ARHGEF18: variants seen among roughly 807,000 people sequenced by gnomAD.
The protein encoded by ARHGEF18 is Rho/Rac guanine nucleotide exchange factor 18.
In ARHGEF18, 93 loss-of-function variants were observed where a neutral mutation model predicts 155.7. The ratio of observed to expected loss-of-function variants is 0.60; its 90% CI spans 0.50 to 0.71. ARHGEF18 has a LOEUF of 0.71. Among genes scored for constraint, ARHGEF18 ranks in the 30% least tolerant of loss-of-function variants. ARHGEF18 has a pLI of 0.00. For synonymous variants in ARHGEF18, 742 were observed against 753.1 expected, an observed-to-expected ratio of 0.99 and a Z score of 0.24; for missense variants, 1,593 against 1,816.1, an observed-to-expected ratio of 0.88 and a Z score of 2.23.
chr19:7,473,149 G>C (rs927880501), downstream of ARHGEF18: 28 of 456,176 alleles, frequency 6.1e-5, no homozygotes, highest in Non-Finnish European at 1.2e-4. Context: ...GCTTGGCCAT[G>C]AGTATGAAAT....
At chr19:7,363,249 T>C (rs146584440) in intron 2 of ARHGEF18, among the ~76,000 whole-genome samples, 4 of 150,310 alleles carry the variant, frequency 2.7e-5, no homozygotes, top group South Asian at 2.1e-4. Context: ...CGTGGATGAA[T>C]AGAAGGGTGG....
intron 10 of ARHGEF18, among the ~76,000 whole-genome samples, chr19:7,426,728 A>G (rs1376321857): frequency 1.3e-5 from 2 of 152,126 alleles, no homozygotes; most frequent in African/African-American, 4.8e-5. Context: ...TTCCACCAGG[A>G]TAAAGGCCTT....
chr19:7,378,990 GC>G, intron 6 of ARHGEF18, 131 bp from the exon 7 acceptor site: 1 of 735,054 alleles, frequency 1.4e-6, no homozygotes, highest in Non-Finnish European at 1.8e-6. Flanking sequence ...ACTGTGCCCG[GC>G]TGACTGTGGC....
At chr19:7,445,324 T>C (rs530853789) in intron 14 of ARHGEF18, among the ~76,000 whole-genome samples, 47 of 152,246 alleles carry the variant, frequency 3.1e-4, no homozygotes, top group Admixed American at 3.3e-4. Context: ...GGTGTATAGC[T>C]GTAGTCCCAG....
At position 7,440,835 on chromosome 19, in the gene ARHGEF18, A is replaced by G. The variant is rs879519515; in HGVS notation, c.1106+353A>G. On this transcript the variant is annotated intron_variant, in intron 11 of 28. Transcript: ENST00000668164. This position sits in a 1 kb window ranked among gnomAD's most constrained non-coding sequence, Gnocchi z 5.4. The stretch of plus-strand genomic sequence containing the variant: ...CATTATCTGTGCCTTACCTCGTTTT[A>G]TAGGACTTCAAAGTGGTTCCCTTGA... Among the ~76,000 whole-genome samples, 2 of 152,106 alleles carry G rather than the reference A, an allele frequency of 1.3e-5. No individual in the cohort carries two copies. Among genetic ancestry groups the G allele is most frequent in the Non-Finnish European group, 2.9e-5 (2 of 68,010 alleles).
chr19:7,458,391 T>G, intron 18 of ARHGEF18, 121 bp from the exon 19 acceptor site: 1 of 870,528 alleles, frequency 1.1e-6, no homozygotes, highest in Non-Finnish European at 1.7e-6. Flanking sequence ...TTTGAATTGT[T>G]TGAAAAGAAA....
At chr19:7,375,436 AAAAGAAAAG>A (rs1196579465) in intron 3 of ARHGEF18, among the ~76,000 whole-genome samples, 14 of 134,942 alleles carry the variant, frequency 1.0e-4, no homozygotes, top group South Asian at 2.3e-4. Flanking sequence ...AGGAAGGAAG[AAAAGAAAAG>A]AAAGAAAAGA....
In ARHGEF18 at chr19:7,395,335, C is replaced by T. The variant is rs1428208229; in HGVS notation, c.967+12132C>T. 3.0e-6 allele frequency: 3 copies of T among 983,866 alleles called. No individual in the cohort carries two copies. Among genetic ancestry groups the T allele is most frequent in the Non-Finnish European group, 3.6e-6 (3 of 828,608 alleles). The allele number at this position is 983,866 out of a possible 1,614,324, so 60.9% of individuals were successfully genotyped here. On this transcript the variant is annotated intron_variant, in intron 10 of 28. Coordinates refer to ENST00000668164, the MANE Select transcript of ARHGEF18 (RefSeq NM_001367823.1). This position sits in a 1 kb window ranked among gnomAD's most constrained non-coding sequence, Gnocchi z 5.0. ...TCAGGGGGTGGCCTGGGGCGCGGGACCCCCGGGGCTGCCTCGGGCCTCCCG... is the reference window on the plus strand; with the variant it reads ...TCAGGGGGTGGCCTGGGGCGCGGGATCCCCGGGGCTGCCTCGGGCCTCCCG...
intron 23 of ARHGEF18, among the ~76,000 whole-genome samples, chr19:7,466,010 G>A (rs1393391159): frequency 6.6e-6 from 1 of 151,898 alleles, no homozygotes; most frequent in African/African-American, 2.4e-5. Context: ...CTTGAACCTA[G>A]GAGGTGGAGG....
In ARHGEF18 at chr19:7,446,470, C is replaced by T. The variant is rs556465079; in HGVS notation, c.1612-573C>T. 3.9e-5 allele frequency among the ~76,000 whole-genome samples: 6 copies of T among 152,026 alleles called. No individual in the cohort carries two copies. The South Asian group carries it at 6.2e-4, about 16-fold the overall frequency. ...AAAATATACTTTGGCTGGCCAGGCG[C>T]GGTGGCTCATGCCTATAATCCCAGC... On this transcript the variant is annotated intron_variant, in intron 14 of 28. Coordinates refer to ENST00000668164, the MANE Select transcript of ARHGEF18 (RefSeq NM_001367823.1).
intron 10 of ARHGEF18, among the ~76,000 whole-genome samples, chr19:7,439,118 T>C (rs1359462427): frequency 6.7e-6 from 1 of 149,936 alleles, no homozygotes; most frequent in African/African-American, 2.5e-5. Context: ...CTCCTGACCT[T>C]GTGATCAACC....
At position 7,466,946 on chromosome 19, in the gene ARHGEF18, C is replaced by A. The variant is rs764708460; in HGVS notation, c.2933C>A (p.Pro978His). The change falls in exon 24 of 29, where the codon CCC becomes CAC. Residue 978 changes from proline to histidine, a missense_variant. Pro to His is a moderately conservative substitution (Grantham distance 77, BLOSUM62 -2). Coordinates refer to ENST00000668164, the MANE Select transcript of ARHGEF18 (RefSeq NM_001367823.1). ...GAGGCGCCAGGCACGGAATCCGATC[C>A]CCGTCTGCCCACCGTCCTGGAGTCG... is the stretch of plus-strand genomic sequence containing the variant. Reference protein sequence around the residue: ...VVEAPGTESDPRLPTVLESEL... With the variant: ...VVEAPGTESDHRLPTVLESEL... The A allele has an allele frequency of 9.9e-6, 16 of 1,613,408 alleles. No homozygotes were observed. Among genetic ancestry groups the A allele is most frequent in the Non-Finnish European group, 1.1e-5 (13 of 1,180,008 alleles).
Position 7,395,048 on chromosome 19 carries a change from A to T in ARHGEF18, c.967+11845A>T. 1 of 985,156 alleles carries T rather than the reference A, an allele frequency of 1.0e-6. No homozygotes were observed. Among genetic ancestry groups the T allele is most frequent in the Non-Finnish European group, 1.2e-6 (1 of 829,774 alleles). 61.0% of individuals were successfully genotyped at this position (985,156 alleles called of 1,614,324 possible). A position where few individuals can be genotyped will look rare whatever the true frequency, so the allele number is the denominator to read the frequency against. On this transcript the variant is annotated intron_variant, in intron 10 of 28. Coordinates refer to ENST00000668164, the MANE Select transcript of ARHGEF18 (RefSeq NM_001367823.1). This position sits in a 1 kb window ranked among gnomAD's most constrained non-coding sequence, Gnocchi z 5.0. ...CCGGGAGCGCCCCGCCCTCGAGGGC[A>T]CGCCTCCTTCCGGGTCACGCCCTCT...
At position 7,376,743 on chromosome 19, in the gene ARHGEF18, C is replaced by T; in HGVS notation, c.527C>T (p.Thr176Ile). 1.6e-6 allele frequency: 2 copies of T among 1,234,444 alleles called. No individual in the cohort carries two copies. The highest frequency in any genetic ancestry group is 2.0e-6 in the Non-Finnish European group (2 of 988,192). The allele number at this position is 1,234,444 out of a possible 1,614,324, so 76.5% of individuals were successfully genotyped here. A position where few individuals can be genotyped will look rare whatever the true frequency, so the allele number is the denominator to read the frequency against. ...ATCTCTCCGGGTTTGGAAGTGCCCA[C>T]TCCACCTGTTCAAGGTAGCCAGCCT... is the stretch of plus-strand genomic sequence containing the variant. Reference protein sequence around the residue: ...PEISPGLEVPTPPVQGLEPPV... With the variant: ...PEISPGLEVPIPPVQGLEPPV... The change falls in exon 5 of 29, where the codon ACT becomes ATT. Residue 176 changes from threonine to isoleucine, a missense_variant. Physicochemically the swap from Thr to Ile is moderately conservative, Grantham distance 89 (BLOSUM62 -1). Transcript: ENST00000668164.
At chr19:7,465,493 T>A (rs958124178) in intron 23 of ARHGEF18, among the ~76,000 whole-genome samples, 2 of 150,248 alleles carry the variant, frequency 1.3e-5, no homozygotes, top group African/African-American at 4.9e-5. Context: ...ACACAGCCTC[T>A]AACTCCTAGG....
intron 1 of ARHGEF18, among the ~76,000 whole-genome samples, chr19:7,352,627 A>G (rs1969185516): frequency 8.0e-6 from 1 of 125,340 alleles, no homozygotes; most frequent in Non-Finnish European, 1.6e-5. Context: ...TCCACCTCCC[A>G]GGTTCACGCC....
At chr19:7,404,900 G>A (rs1009120698) in intron 10 of ARHGEF18, among the ~76,000 whole-genome samples, 1 of 152,054 alleles carries the variant, frequency 6.6e-6, no homozygotes, top group African/African-American at 2.4e-5. Flanking sequence ...ACAATAATAG[G>A]ATGCAAAGTG....
Position 7,467,691 on chromosome 19 carries a change from G to C in ARHGEF18, c.3480+7G>C. 6.7e-7 allele frequency: 1 copy of C among 1,481,528 alleles called. No homozygotes were observed. The highest frequency in any genetic ancestry group is 8.9e-7 in the Non-Finnish European group (1 of 1,125,770). 91.8% of individuals were successfully genotyped at this position (1,481,528 alleles called of 1,614,324 possible). Reference sequence around the variant, plus strand: ...GCCCGACACACTGGCCGAGGTGAGCGCGCAGCAGCCAGTGTGCGCAGGTTG... The same window carrying C: ...GCCCGACACACTGGCCGAGGTGAGCCCGCAGCAGCCAGTGTGCGCAGGTTG... On this transcript the variant is annotated splice_region_variant and intron_variant, in intron 26 of 28. Transcript: ENST00000668164.
In ARHGEF18 at chr19:7,355,622, GC is replaced by G. The variant is rs988542811; in HGVS notation, c.-111+6386del. On this transcript the variant is annotated intron_variant, in intron 1 of 28. Transcript: ENST00000668164. The stretch of plus-strand genomic sequence containing the variant: ...ACTCAAGCTCTCACACGCACGCATG[GC>G]CCCCATGGCTGACTCGGTGCTCAAC... 8 of 985,282 alleles carry G rather than the reference GC, an allele frequency of 8.1e-6. No individual in the cohort carries two copies. In the African/African-American group the frequency reaches 1.2e-4, roughly 15 times the overall value. 61.0% of individuals were successfully genotyped at this position (985,282 alleles called of 1,614,324 possible). A position where few individuals can be genotyped will look rare whatever the true frequency, so the allele number is the denominator to read the frequency against.
Sources: allele counts gnomAD v4.1 joint callset (sites outside exome capture counted in the v4.1 genomes callset), GRCh38; gene constraint gnomAD v4.1.1; non-coding constraint Gnocchi (gnomAD v3.1); transcripts MANE v1.5; gene names NCBI Gene and HGNC (gene_info 2026-07-23, HGNC 2026-07-21).